FAM222B: variants seen among roughly 807,000 people sequenced by gnomAD.
FAM222B encodes family with sequence similarity 222 member B.
Under a neutral mutation model 38.0 loss-of-function variants are expected in FAM222B, and 12 were observed. The observed-to-expected ratio is 0.32, with a 90% CI of 0.20 to 0.51. The LOEUF (loss-of-function observed/expected upper bound fraction) is 0.51, where lower values mean the gene tolerates loss of function less well. FAM222B is among the 20% of genes least tolerant of loss of function. The pLI is 0.97. For synonymous variants in FAM222B, 329 were observed against 317.2 expected (o/e 1.04, Z -0.40); for missense variants, 716 against 754.2 (o/e 0.95, Z 0.59).
intron 1 of FAM222B, among the ~76,000 whole-genome samples, chr17:28,811,464 A>C (rs2037762794): frequency 6.6e-6 from 1 of 151,828 alleles, no homozygotes; most frequent in Non-Finnish European, 1.5e-5. Context: ...AAACAAAAAA[A>C]CCCCCACGAA....
At chr17:28,811,588 A>C (rs578085814) in intron 1 of FAM222B, among the ~76,000 whole-genome samples, 93 of 152,332 alleles carry the variant, frequency 6.1e-4, no homozygotes, top group Admixed American at 5.2e-4. Context: ...AGAAAAAGAT[A>C]AGACTTTTAA....
chr17:28,803,163 C>G (rs561970916), intron 1 of FAM222B, among the ~76,000 whole-genome samples: 1 of 152,098 alleles, frequency 6.6e-6, no homozygotes, highest in Non-Finnish European at 1.5e-5. Context: ...TGCATGCCAC[C>G]ATGCCTGGCT....
chr17:28,846,616 A>G (rs1035570456), upstream of FAM222B, among the ~76,000 whole-genome samples: 2 of 151,788 alleles, frequency 1.3e-5, no homozygotes, highest in Admixed American at 6.6e-5. Flanking sequence ...TTGCAGTGAG[A>G]TTCAACCATT....
chr17:28,829,838 C>A (rs911642103), intron 1 of FAM222B, among the ~76,000 whole-genome samples: 1 of 151,864 alleles, frequency 6.6e-6, no homozygotes, highest in Non-Finnish European at 1.5e-5. Context: ...ATACTTAGGT[C>A]ATTTTTTTTA....
At chr17:28,834,048 T>C (rs2038758023) in intron 1 of FAM222B, among the ~76,000 whole-genome samples, 1 of 152,196 alleles carries the variant, frequency 6.6e-6, no homozygotes. Context: ...GACAACTCCT[T>C]CTTCTTTACC....
chr17:28,778,075 C>G (rs1474029523), intron 1 of FAM222B, among the ~76,000 whole-genome samples: 3 of 148,624 alleles, frequency 2.0e-5, no homozygotes, highest in African/African-American at 7.5e-5. Flanking sequence ...ATTATTTGGC[C>G]TCTGTGTTTT....
At chr17:28,776,041 A>C (rs926325010) in intron 1 of FAM222B, among the ~76,000 whole-genome samples, 4 of 148,052 alleles carry the variant, frequency 2.7e-5, no homozygotes, top group Non-Finnish European at 6.0e-5. Flanking sequence ...ATGCCACTGC[A>C]CCCCAGCCTG....
chr17:28,782,333 TAAATA>T (rs1490407175), intron 1 of FAM222B, among the ~76,000 whole-genome samples: 7 of 151,658 alleles, frequency 4.6e-5, no homozygotes, highest in Non-Finnish European at 8.8e-5. Context: ...AAAAAATAAA[TAAATA>T]AAATAAAATC....
intron 1 of FAM222B, among the ~76,000 whole-genome samples, chr17:28,807,692 CTT>C (rs1276696639): frequency 1.3e-5 from 2 of 152,242 alleles, no homozygotes; most frequent in East Asian, 1.9e-4. Flanking sequence ...GGCCCAAACT[CTT>C]GTCTTAACCT....
intron 1 of FAM222B, among the ~76,000 whole-genome samples, chr17:28,774,664 T>C (rs2035800123): frequency 6.6e-6 from 1 of 152,164 alleles, no homozygotes; most frequent in East Asian, 1.9e-4. Context: ...CTTTCCTGGG[T>C]GGCATCTGAA....
chr17:28,782,981 A>AT (rs2036226799), intron 1 of FAM222B, among the ~76,000 whole-genome samples: 2 of 151,898 alleles, frequency 1.3e-5, no homozygotes, highest in Non-Finnish European at 2.9e-5. Flanking sequence ...ACTAAAAAAT[A>AT]CAAAAAATTA....
At chr17:28,847,961 T>G in intron 1 of FAM222B, among the ~76,000 whole-genome samples, 1 of 149,828 alleles carries the variant, frequency 6.7e-6, no homozygotes. Flanking sequence ...CAAAATAGTG[T>G]AGTGAAGATG....
At chr17:28,854,524 C>T (rs531945183) in intron 1 of FAM222B, among the ~76,000 whole-genome samples, 1 of 152,196 alleles carries the variant, frequency 6.6e-6, no homozygotes, top group Non-Finnish European at 1.5e-5. Flanking sequence ...TAGCCTAAAG[C>T]AAAGGTGCAG....
intron 1 of FAM222B, among the ~76,000 whole-genome samples, chr17:28,807,308 G>T (rs969174618): frequency 6.6e-6 from 1 of 151,858 alleles, no homozygotes; most frequent in African/African-American, 2.4e-5. Context: ...GAGCCACCGC[G>T]CCTGGCAAAT....
intron 1 of FAM222B, among the ~76,000 whole-genome samples, chr17:28,779,978 T>A (rs1402034737): frequency 6.6e-6 from 1 of 150,710 alleles, no homozygotes; most frequent in Non-Finnish European, 1.5e-5. Context: ...CTAGCCACTT[T>A]TTTTTTTTTT....
At chr17:28,801,040 C>T (rs925100190) in intron 1 of FAM222B, among the ~76,000 whole-genome samples, 10 of 151,698 alleles carry the variant, frequency 6.6e-5, no homozygotes, top group African/African-American at 2.2e-4. Context: ...CGCCTGTAAC[C>T]CAGCTACTCA....
At chr17:28,816,072 T>G (rs981099758) in intron 1 of FAM222B, among the ~76,000 whole-genome samples, 3 of 151,526 alleles carry the variant, frequency 2.0e-5, no homozygotes, top group Non-Finnish European at 4.4e-5. Flanking sequence ...GGTCAGGGAT[T>G]CAAAACCAGC....
At chr17:28,801,548 A>AT (rs2037230562) in intron 1 of FAM222B, among the ~76,000 whole-genome samples, 1 of 151,814 alleles carries the variant, frequency 6.6e-6, no homozygotes, top group Non-Finnish European at 1.5e-5. Flanking sequence ...TAATGTCTTC[A>AT]TAATAGTAAA....
intron 1 of FAM222B, chr17:28,777,189 T>G (rs2035935084): frequency 6.6e-6 from 1 of 152,210 alleles, no homozygotes; most frequent in Non-Finnish European, 1.5e-5. Flanking sequence ...GTATTTACTC[T>G]AGACTTACTC....
Sources: allele counts gnomAD v4.1 joint callset (sites outside exome capture counted in the v4.1 genomes callset), GRCh38; gene constraint gnomAD v4.1.1; transcripts MANE v1.5; gene names NCBI Gene and HGNC (gene_info 2026-07-23, HGNC 2026-07-21).